The following CDH4 variants were observed in gnomAD, a reference collection of about 807,000 sequenced individuals.
The protein encoded by CDH4 is cadherin-4.
In CDH4, 33 loss-of-function variants were observed where a neutral mutation model predicts 86.0. That is an observed-to-expected ratio of 0.38 (90% confidence interval 0.29 to 0.51). The LOEUF (loss-of-function observed/expected upper bound fraction) is 0.51. Ranked by LOEUF, CDH4 falls within the 20% of genes least tolerant of loss-of-function variation. CDH4 has a pLI of 0.86. For synonymous variants in CDH4, 555 were observed against 549.4 expected (o/e 1.01, Z -0.14); for missense variants, 1,114 against 1,307.4 (o/e 0.85, Z 2.28).
intron 5 of CDH4, among the ~76,000 whole-genome samples, chr20:61,852,393 C>A (rs1044490126): frequency 2.2e-4 from 33 of 152,362 alleles, no homozygotes; most frequent in African/African-American, 7.7e-4. Flanking sequence ...GTGGACATCA[C>A]CCCATCCAAG....
At chr20:61,320,154 C>A (rs1488112681) in intron 2 of CDH4, among the ~76,000 whole-genome samples, 1 of 152,134 alleles carries the variant, frequency 6.6e-6, no homozygotes, top group African/African-American at 2.4e-5. Context: ...ATTTGGGCCT[C>A]GGTGTTGCTG....
intron 7 of CDH4, among the ~76,000 whole-genome samples, chr20:61,876,100 T>A (rs899125728): frequency 1.3e-5 from 2 of 152,190 alleles, no homozygotes; most frequent in African/African-American, 4.8e-5. Flanking sequence ...GAGGTACAGA[T>A]GGGATGGCAC....
At chr20:61,299,677 A>G (rs1307632305) in intron 2 of CDH4, among the ~76,000 whole-genome samples, 2 of 152,062 alleles carry the variant, frequency 1.3e-5, no homozygotes, top group East Asian at 3.9e-4. Flanking sequence ...TAATATCAGG[A>G]CCCTGGAACC....
At chr20:61,470,925 GA>G (rs1188518404) in intron 2 of CDH4, among the ~76,000 whole-genome samples, 1 of 152,130 alleles carries the variant, frequency 6.6e-6, no homozygotes, top group African/African-American at 2.4e-5. Flanking sequence ...ATGTGCTGTT[GA>G]AATTGGTTTG....
At chr20:61,497,829 T>C (rs1197737496) in intron 2 of CDH4, among the ~76,000 whole-genome samples, 1 of 152,044 alleles carries the variant, frequency 6.6e-6, no homozygotes, top group Non-Finnish European at 1.5e-5. Flanking sequence ...AGTGATAGAC[T>C]GGACTAAGAA....
chr20:61,892,258 G>A (rs921433593), intron 7 of CDH4, among the ~76,000 whole-genome samples: 1 of 152,162 alleles, frequency 6.6e-6, no homozygotes, highest in African/African-American at 2.4e-5. Context: ...GAGCACCCAG[G>A]CCCCTCTGTC....
intron 5 of CDH4, among the ~76,000 whole-genome samples, chr20:61,848,666 C>T (rs942767789): frequency 2.0e-5 from 3 of 152,204 alleles, no homozygotes; most frequent in Non-Finnish European, 4.4e-5. Flanking sequence ...GCTGGAACTA[C>T]AGGCACCCGC....
chr20:61,896,087 C>T (rs1017665444), intron 8 of CDH4, among the ~76,000 whole-genome samples: 2 of 152,150 alleles, frequency 1.3e-5, no homozygotes, highest in African/African-American at 4.8e-5. Context: ...GTGTGTCAGT[C>T]ATGATAGCAA....
intron 2 of CDH4, among the ~76,000 whole-genome samples, chr20:61,305,847 T>C (rs1432256324): frequency 6.6e-6 from 1 of 152,192 alleles, no homozygotes; most frequent in South Asian, 2.1e-4. Context: ...TAACTGAAAA[T>C]ATGATCTATA....
intron 4 of CDH4, among the ~76,000 whole-genome samples, chr20:61,841,610 G>C (rs1248286113): frequency 6.6e-6 from 1 of 152,196 alleles, no homozygotes; most frequent in African/African-American, 2.4e-5. Flanking sequence ...CTAGGTCGCT[G>C]TCTCTGAAGT....
chr20:61,538,553 C>T lies in CDH4; in HGVS notation c.170-205010C>T, dbSNP rs118043501. On this transcript the variant is annotated intron_variant, in intron 2 of 15. Transcript: ENST00000614565. Reference sequence around the variant, plus strand: ...TTCCTGGAGCCAACACTTTAACATCCGCCTGTCCCTGCTGGTGCCTCCTGG... The same window carrying T: ...TTCCTGGAGCCAACACTTTAACATCTGCCTGTCCCTGCTGGTGCCTCCTGG... 1.5e-3 allele frequency among the ~76,000 whole-genome samples: 221 copies of T among 152,318 alleles called. 1 individual carries two copies. The highest frequency in any genetic ancestry group is 2.5e-3 in the Non-Finnish European group (170 of 68,026).
At chr20:61,559,668 GCTGCTT>G (rs2086202394) in intron 2 of CDH4, among the ~76,000 whole-genome samples, 1 of 151,672 alleles carries the variant, frequency 6.6e-6, no homozygotes, top group Admixed American at 6.6e-5. Flanking sequence ...ACAGGCGTGT[GCTGCTT>G]CACCTGATTA....
At chr20:61,657,608 AAGG>A (rs2087206268) in intron 2 of CDH4, among the ~76,000 whole-genome samples, 1 of 152,226 alleles carries the variant, frequency 6.6e-6, no homozygotes, top group African/African-American at 2.4e-5. Context: ...GGTTACTGTG[AAGG>A]AGAAGACAAA....
At chr20:61,534,665 C>CTTTTTTTTTTTTTTT (rs34309371) in intron 2 of CDH4, among the ~76,000 whole-genome samples, 19 of 76,058 alleles carry the variant, frequency 2.5e-4, no homozygotes, top group African/African-American at 1.4e-3. Context: ...TTCTTTCTTT[C>CTTTTTTTTTTTTTTT]TTTTTTTTTT....
At position 61,940,359 on chromosome 20, in the gene CDH4, T is replaced by C. The variant is rs1416482499; in HGVS notation, c.*3416T>C. 6.6e-6 allele frequency: 1 copy of C among 152,116 alleles called. No individual in the cohort carries two copies. Among genetic ancestry groups the C allele is most frequent in the Non-Finnish European group, 1.5e-5 (1 of 68,032 alleles). 9.4% of individuals were successfully genotyped at this position (152,116 alleles called of 1,614,324 possible). Reference sequence around the variant, plus strand: ...TACTGGAGTATGATGTACTCACACCTGCAAATCTGAGCATCGCGAGGTTAA... The same window carrying C: ...TACTGGAGTATGATGTACTCACACCCGCAAATCTGAGCATCGCGAGGTTAA... On this transcript the variant is annotated 3_prime_UTR_variant, in exon 16 of 16. Transcript: ENST00000614565.
chr20:61,653,312 A>C (rs2087145032), intron 2 of CDH4, among the ~76,000 whole-genome samples: 2 of 135,332 alleles, frequency 1.5e-5, no homozygotes, highest in South Asian at 4.7e-4. Flanking sequence ...ACAGAACAAA[A>C]TGAAAAGTCT....
chr20:61,468,192 A>G (rs1317716928), intron 2 of CDH4, among the ~76,000 whole-genome samples: 1 of 152,108 alleles, frequency 6.6e-6, no homozygotes, highest in Non-Finnish European at 1.5e-5. Flanking sequence ...GAGCCAACTG[A>G]TTCTGTATGA....
chr20:61,920,049 GGTA>G (rs201079126), intron 9 of CDH4, among the ~76,000 whole-genome samples: 24 of 107,798 alleles, frequency 2.2e-4, no homozygotes, highest in African/African-American at 6.2e-4. Flanking sequence ...GTGGAAGCAT[GGTA>G]TCGTGATTGT....
intron 14 of CDH4, 54 bp downstream of exon 14, chr20:61,933,178 C>G (rs1011225889): frequency 6.3e-7 from 1 of 1,585,800 alleles, no homozygotes; most frequent in East Asian, 2.3e-5. Context: ...CTCACGTGTA[C>G]TAGTGTCTCA....
Sources: gnomAD v4.1 joint callset for allele counts (sites outside exome capture counted in the v4.1 genomes callset) on GRCh38, gnomAD v4.1.1 for gene constraint, MANE v1.5 for transcripts, NCBI Gene and HGNC (gene_info 2026-07-23, HGNC 2026-07-21) for gene names.